RNF130: variants seen among roughly 807,000 people sequenced by gnomAD.
RNF130 encodes the protein ring finger protein 130, also known as E3 ubiquitin-protein ligase RNF130.
In RNF130, 21 loss-of-function variants were observed where a neutral mutation model predicts 44.6. The observed-to-expected ratio is 0.47, with a 90% confidence interval of 0.33 to 0.68. The LOEUF is 0.68. Among genes scored for constraint, RNF130 ranks in the 30% least tolerant of loss-of-function variants. The pLI is 0.02. For synonymous variants in RNF130, 214 were observed against 210.4 expected, an observed-to-expected ratio of 1.02 and a Z score of -0.15; for missense variants, 479 against 560.6, an observed-to-expected ratio of 0.85 and a Z score of 1.47.
At chr5:179,952,727 G>C (rs1762145525), downstream of RNF130, among the ~76,000 whole-genome samples, 1 of 152,262 alleles carries the variant, frequency 6.6e-6, no homozygotes, top group Middle Eastern at 3.4e-3. Context: ...GGATAGAATA[G>C]AATAAAGGGC....
At chr5:180,058,851 G>A (rs1764902917) in intron 1 of RNF130, among the ~76,000 whole-genome samples, 1 of 152,120 alleles carries the variant, frequency 6.6e-6, no homozygotes, top group South Asian at 2.1e-4. Flanking sequence ...CTGAGCCACT[G>A]CACCCAGCTG....
At chr5:179,948,304 T>A (rs73342221) in intron 7 of RNF130, among the ~76,000 whole-genome samples, 2,917 of 152,336 alleles carry the variant, frequency 0.019, 96 homozygotes, top group African/African-American at 0.067. Flanking sequence ...GTTAACAGTT[T>A]CTTCCTGCCC....
chr5:180,055,374 A>C (rs1238048069), intron 1 of RNF130, among the ~76,000 whole-genome samples: 3 of 151,568 alleles, frequency 2.0e-5, no homozygotes, highest in Admixed American at 6.6e-5. Context: ...AAGTAAGTTA[A>C]GTTTTACTGG....
At position 180,041,851 on chromosome 5, in the gene RNF130, T is replaced by C. The variant is rs574071131; in HGVS notation, c.248-1204A>G. 6.6e-5 allele frequency among the ~76,000 whole-genome samples: 10 copies of C among 152,132 alleles called. No individual in the cohort carries two copies. In the East Asian group the frequency reaches 1.5e-3, roughly 24 times the overall value. On this transcript the variant is annotated intron_variant, in intron 1 of 8. Coordinates refer to ENST00000521389, the MANE Select transcript of RNF130 (RefSeq NM_018434.6). Reference sequence around the variant, plus strand: ...CAGCACTTTGGGAAGCCGAGGCAGGTAGATTGCTTGAGCCCAGGAGTTTGA... The same window carrying C: ...CAGCACTTTGGGAAGCCGAGGCAGGCAGATTGCTTGAGCCCAGGAGTTTGA...
intron 7 of RNF130, among the ~76,000 whole-genome samples, chr5:179,923,506 ATG>A (rs1301812378): frequency 1.3e-5 from 2 of 152,190 alleles, no homozygotes; most frequent in Non-Finnish European, 2.9e-5. Flanking sequence ...ACCTAAATGG[ATG>A]TGTGACAGAC....
At position 180,055,496 on chromosome 5, in the gene RNF130, GTGTC is replaced by G. The variant is rs534494051; in HGVS notation, c.248-14853_248-14850del. Among the ~76,000 whole-genome samples, 769 of 152,034 alleles carry G rather than the reference GTGTC, an allele frequency of 5.1e-3. 4 individuals are homozygous for G. The highest frequency in any genetic ancestry group is 0.014 in the Middle Eastern group (4 of 294). On this transcript the variant is annotated intron_variant, in intron 1 of 8. Transcript: ENST00000521389. ...CGCGCGCGCACGCGTATGTGTCTGT[GTGTC>G]TGTCTGTCTCATGTGGTATACCAGT...
At chr5:179,971,967 T>C (rs188192468) in intron 5 of RNF130, among the ~76,000 whole-genome samples, 1 of 152,298 alleles carries the variant, frequency 6.6e-6, no homozygotes, top group Admixed American at 6.5e-5. Context: ...AATCTAGTCT[T>C]AAATTCACAG....
intron 7 of RNF130, among the ~76,000 whole-genome samples, chr5:179,935,938 C>T (rs771597640): frequency 6.6e-6 from 1 of 152,106 alleles, no homozygotes; most frequent in Non-Finnish European, 1.5e-5. Context: ...TGATGTCAAG[C>T]GGTCTCCACA....
chr5:180,035,890 A>G (rs1764237918), intron 2 of RNF130, among the ~76,000 whole-genome samples: 1 of 152,050 alleles, frequency 6.6e-6, no homozygotes, highest in Admixed American at 6.6e-5. Flanking sequence ...GAGAATCTCT[A>G]TTTGTTGACT....
chr5:180,045,782 C>G (rs550310144), intron 1 of RNF130, among the ~76,000 whole-genome samples: 4 of 152,142 alleles, frequency 2.6e-5, no homozygotes, highest in Non-Finnish European at 5.9e-5. Context: ...AAGTCCCCAC[C>G]AGATTAGCTA....
intron 2 of RNF130, among the ~76,000 whole-genome samples, chr5:180,015,930 T>C (rs1024871892): frequency 6.6e-6 from 1 of 152,184 alleles, no homozygotes; most frequent in African/African-American, 2.4e-5. Flanking sequence ...ATTGAGCACA[T>C]ACTATGATCA....
chr5:179,922,466 C>T (rs1761648501), intron 7 of RNF130, among the ~76,000 whole-genome samples: 1 of 151,972 alleles, frequency 6.6e-6, no homozygotes, highest in African/African-American at 2.4e-5. Flanking sequence ...GCGTGGGCCA[C>T]AATGCCCAGC....
intron 2 of RNF130, among the ~76,000 whole-genome samples, chr5:180,017,144 C>T (rs1184943967): frequency 6.6e-6 from 1 of 152,202 alleles, no homozygotes. Context: ...CATCACAACA[C>T]TGACCTTTTT....
intron 1 of RNF130, among the ~76,000 whole-genome samples, chr5:180,059,045 A>G (rs1201850483): frequency 1.3e-5 from 2 of 152,204 alleles, no homozygotes; most frequent in African/African-American, 4.8e-5. Context: ...TTCCTCTTAT[A>G]TAAAGTCCAA....
chr5:180,047,021 G>A (rs1368352106), intron 1 of RNF130, among the ~76,000 whole-genome samples: 5 of 152,168 alleles, frequency 3.3e-5, no homozygotes, highest in Admixed American at 1.3e-4. Flanking sequence ...TCTGTTTCAC[G>A]TGGTAATATC....
In RNF130 at chr5:179,922,114, A is replaced by G. The variant is rs144081956; in HGVS notation, c.1151-1688T>C. Among the ~76,000 whole-genome samples, 441 of 151,866 alleles carry G rather than the reference A, an allele frequency of 2.9e-3. 2 individuals carry two copies. Among genetic ancestry groups the G allele is most frequent in the Non-Finnish European group, 5.2e-3 (353 of 68,012 alleles). ...CTTTTCATACTCACAAACACTTGACATGGTCAGTCTTGGAAAAGTTTAGGC... is the reference window on the plus strand; with the variant it reads ...CTTTTCATACTCACAAACACTTGACGTGGTCAGTCTTGGAAAAGTTTAGGC... On this transcript the variant is annotated intron_variant, in intron 7 of 7. Coordinates refer to the RNF130 transcript ENST00000522208.
At chr5:180,030,511 TA>T (rs1764109865) in intron 2 of RNF130, among the ~76,000 whole-genome samples, 1 of 152,216 alleles carries the variant, frequency 6.6e-6, no homozygotes, top group South Asian at 2.1e-4. Flanking sequence ...ACGCCGTTTT[TA>T]AAAATACATG....
chr5:179,987,812 A>C (rs1370852065), intron 3 of RNF130, among the ~76,000 whole-genome samples: 2 of 152,228 alleles, frequency 1.3e-5, no homozygotes, highest in Non-Finnish European at 2.9e-5. Flanking sequence ...TCCCCGGGAC[A>C]AATCCCACGT....
At chr5:180,043,059 T>C (rs1764463784) in intron 1 of RNF130, among the ~76,000 whole-genome samples, 1 of 152,246 alleles carries the variant, frequency 6.6e-6, no homozygotes, top group South Asian at 2.1e-4. Context: ...GGCACACACC[T>C]GTAATCCCAA....
Sources: allele counts gnomAD v4.1 joint callset (sites outside exome capture counted in the v4.1 genomes callset), GRCh38; gene constraint gnomAD v4.1.1; transcripts MANE v1.5; gene names NCBI Gene and HGNC (gene_info 2026-07-23, HGNC 2026-07-21).